GNAQ: variants seen among roughly 807,000 people sequenced by gnomAD.
GNAQ encodes G protein subunit alpha q.
GNAQ carries 8 observed loss-of-function variants against 43.9 expected under a neutral mutation model. That is an observed-to-expected ratio of 0.18 (90% CI 0.11 to 0.33). GNAQ has a LOEUF of 0.33. Among genes scored for constraint, GNAQ ranks in the 10% least tolerant of loss-of-function variants. The pLI is 1.00. For missense variants in GNAQ, 158 were observed against 450.8 expected (o/e 0.35, Z 5.88); for synonymous variants, 155 against 170.7 (o/e 0.91, Z 0.71).
chr9:77,824,143 A>AT (rs1827156780), intron 2 of GNAQ, among the ~76,000 whole-genome samples: 1 of 152,144 alleles, frequency 6.6e-6, no homozygotes, highest in Non-Finnish European at 1.5e-5. Context: ...CAATATTGAC[A>AT]TATTATGTAT....
At chr9:77,824,414 C>T (rs1007735675) in intron 2 of GNAQ, among the ~76,000 whole-genome samples, 1 of 152,120 alleles carries the variant, frequency 6.6e-6, no homozygotes, top group African/African-American at 2.4e-5. Flanking sequence ...TTTCATAGAA[C>T]TATCTTTCGG....
At chr9:77,866,782 ATTT>A (rs1827957151) in intron 2 of GNAQ, among the ~76,000 whole-genome samples, 1 of 152,204 alleles carries the variant, frequency 6.6e-6, no homozygotes, top group South Asian at 2.1e-4. Context: ...TTTGGCCAAT[ATTT>A]TGTCTAAATT....
chr9:77,944,692 T>G (rs1384076158), intron 1 of GNAQ, among the ~76,000 whole-genome samples: 2 of 152,204 alleles, frequency 1.3e-5, no homozygotes, highest in Non-Finnish European at 2.9e-5. Flanking sequence ...TGACACTAAC[T>G]TAGCTTGCCC....
chr9:77,843,753 T>C (rs561116424), intron 2 of GNAQ, among the ~76,000 whole-genome samples: 1 of 152,278 alleles, frequency 6.6e-6, no homozygotes, highest in South Asian at 2.1e-4. Flanking sequence ...GGGGATGTAA[T>C]TTCTTTGTAA....
At chr9:78,030,379 C>T (rs758504811) in intron 1 of GNAQ, 2 of 378,940 alleles carry the variant, frequency 5.3e-6, no homozygotes, top group Non-Finnish European at 1.1e-5. Context: ...CACTGGCCAA[C>T]TCTTCTAGGC....
At chr9:78,013,999 T>C (rs951472671) in intron 1 of GNAQ, among the ~76,000 whole-genome samples, 4 of 152,186 alleles carry the variant, frequency 2.6e-5, no homozygotes, top group Non-Finnish European at 5.9e-5. Context: ...TAATACCATT[T>C]GATCTCTGAA....
At chr9:77,985,308 A>G (rs766325743) in intron 1 of GNAQ, among the ~76,000 whole-genome samples, 13 of 152,124 alleles carry the variant, frequency 8.5e-5, no homozygotes, top group Non-Finnish European at 1.5e-4. Flanking sequence ...GAGAGACTCC[A>G]TCTCAGAAAA....
At chr9:77,941,840 T>C (rs1160223093) in intron 1 of GNAQ, among the ~76,000 whole-genome samples, 2 of 150,104 alleles carry the variant, frequency 1.3e-5, no homozygotes, top group Admixed American at 1.3e-4. Context: ...ATGGAAAGAG[T>C]GGACTGCAAA....
intron 1 of GNAQ, among the ~76,000 whole-genome samples, chr9:77,975,415 A>C (rs934728808): frequency 6.6e-6 from 1 of 152,128 alleles, no homozygotes; most frequent in African/African-American, 2.4e-5. Context: ...GCTTTGTATT[A>C]ATATAATTAT....
At chr9:77,788,753 T>C (rs1277687834) in intron 5 of GNAQ, among the ~76,000 whole-genome samples, 1 of 152,230 alleles carries the variant, frequency 6.6e-6, no homozygotes, top group Non-Finnish European at 1.5e-5. Context: ...CTAAGTTTTA[T>C]TCTTGTTTCA....
intron 1 of GNAQ, among the ~76,000 whole-genome samples, chr9:77,951,804 A>T (rs1818804465): frequency 6.6e-6 from 1 of 152,204 alleles, no homozygotes; most frequent in South Asian, 2.1e-4. Context: ...CAGATCCAAG[A>T]GATGTGAATG....
intron 2 of GNAQ, among the ~76,000 whole-genome samples, chr9:77,859,863 A>C (rs1827815115): frequency 1.3e-5 from 2 of 152,242 alleles, no homozygotes; most frequent in Admixed American, 6.5e-5. Flanking sequence ...TTGGTCTCAA[A>C]AAAGTGAAGG....
At chr9:77,948,812 G>C (rs982741552) in intron 1 of GNAQ, among the ~76,000 whole-genome samples, 7 of 152,100 alleles carry the variant, frequency 4.6e-5, no homozygotes, top group Non-Finnish European at 7.4e-5. Flanking sequence ...TGGACCCTAA[G>C]GACATGAACA....
At chr9:77,890,982 G>A (rs998245365) in intron 2 of GNAQ, among the ~76,000 whole-genome samples, 4 of 152,140 alleles carry the variant, frequency 2.6e-5, no homozygotes, top group Non-Finnish European at 5.9e-5. Context: ...GTAGGAGAAG[G>A]AAGAAATGCA....
chr9:77,732,720 G>A (rs1825515510), intron 5 of GNAQ, among the ~76,000 whole-genome samples: 1 of 152,160 alleles, frequency 6.6e-6, no homozygotes, highest in Admixed American at 6.5e-5. Flanking sequence ...TTAACAGGTT[G>A]GGCCTAGACT....
chr9:77,918,882 T>G (rs1244358332), intron 2 of GNAQ, among the ~76,000 whole-genome samples: 2 of 152,324 alleles, frequency 1.3e-5, no homozygotes, highest in Non-Finnish European at 2.9e-5. Context: ...TTCGACAAGT[T>G]TAGGGCAGAC....
intron 1 of GNAQ, among the ~76,000 whole-genome samples, chr9:77,928,881 G>A (rs1402897807): frequency 2.0e-5 from 3 of 152,048 alleles, no homozygotes; most frequent in African/African-American, 4.8e-5. Flanking sequence ...TTAGCTAGAC[G>A]TAGTGAGGCG....
chr9:77,725,436 AGT>A, intron 6 of GNAQ, among the ~76,000 whole-genome samples: 1 of 152,268 alleles, frequency 6.6e-6, no homozygotes, highest in East Asian at 1.9e-4. Context: ...CAATTTTTTC[AGT>A]GTTTGCTCAT....
At chr9:77,789,390 C>A (rs1826531384) in intron 5 of GNAQ, among the ~76,000 whole-genome samples, 1 of 151,900 alleles carries the variant, frequency 6.6e-6, no homozygotes, top group African/African-American at 2.4e-5. Flanking sequence ...AAATAAGAAA[C>A]CCCTATAAAT....
Sources: gnomAD v4.1 joint callset for allele counts (sites outside exome capture counted in the v4.1 genomes callset) on GRCh38, gnomAD v4.1.1 for gene constraint, MANE v1.5 for transcripts, NCBI Gene and HGNC (gene_info 2026-07-23, HGNC 2026-07-21) for gene names.